The following KAZN variants were observed in gnomAD, a reference collection of about 807,000 sequenced individuals.
The protein encoded by KAZN is kazrin, periplakin interacting protein, also known as kazrin.
In KAZN, 40 loss-of-function variants were observed where a neutral mutation model predicts 87.4. The ratio of observed to expected loss-of-function variants is 0.46; its 90% CI spans 0.36 to 0.60. The LOEUF is 0.60. Among genes scored for constraint, KAZN ranks in the 20% least tolerant of loss-of-function variants. The probability of loss-of-function intolerance (pLI) is 0.00; values close to 1 mark genes in which losing one functional copy is unlikely to be tolerated. For synonymous variants in KAZN, 466 were observed against 458.3 expected (o/e 1.02, Z -0.22); for missense variants, 898 against 1,073.9 (o/e 0.84, Z 2.29).
intron 1 of KAZN, among the ~76,000 whole-genome samples, chr1:14,815,354 A>C (rs1423089142): frequency 1.3e-5 from 2 of 152,128 alleles, no homozygotes; most frequent in African/African-American, 4.8e-5. Flanking sequence ...CCCCCCTAAG[A>C]GTGCTGAGAA....
At position 14,949,510 on chromosome 1, in the gene KAZN, C is replaced by T. The variant is rs970070302; in HGVS notation, c.227-11174C>T. Among the ~76,000 whole-genome samples, 1 of 152,186 alleles carries T rather than the reference C, an allele frequency of 6.6e-6. No individual in the cohort carries two copies. The highest frequency in any genetic ancestry group is 2.4e-5 in the African/African-American group (1 of 41,430). On this transcript the variant is annotated intron_variant, in intron 1 of 14. Transcript: ENST00000376030. This position sits in a 1 kb window ranked among gnomAD's most constrained non-coding sequence, Gnocchi z 4.3. ...GTCGGGAACCCAGCCACTCTGGTGG[C>T]AGGCAGGTGCCTGCCTCTCCCACCC...
chr1:14,592,021 C>A (rs542836586), intron 2 of KAZN, among the ~76,000 whole-genome samples: 1 of 152,142 alleles, frequency 6.6e-6, no homozygotes, highest in Non-Finnish European at 1.5e-5. Context: ...CACTTCTCTA[C>A]GGCTCTGTTC....
At chr1:14,755,636 T>A (rs1387815207) in intron 1 of KAZN, among the ~76,000 whole-genome samples, 3 of 152,162 alleles carry the variant, frequency 2.0e-5, no homozygotes, top group Non-Finnish European at 4.4e-5. Flanking sequence ...CGCTGACTGT[T>A]TCCTGCTCAT....
chr1:14,325,717 G>A (rs977609648), intron 2 of KAZN, among the ~76,000 whole-genome samples: 2 of 152,172 alleles, frequency 1.3e-5, no homozygotes, highest in Non-Finnish European at 1.5e-5. Context: ...CAAACTTGAC[G>A]TGGGTCTCCC....
intron 2 of KAZN, among the ~76,000 whole-genome samples, chr1:14,234,356 A>G (rs1438393688): frequency 6.6e-6 from 1 of 151,060 alleles, no homozygotes; most frequent in East Asian, 2.0e-4. Flanking sequence ...TTGAACAATG[A>G]GAACACATGG....
chr1:13,983,664 A>T (rs1638866390), intron 1 of KAZN, among the ~76,000 whole-genome samples: 2 of 152,220 alleles, frequency 1.3e-5, no homozygotes, highest in African/African-American at 4.8e-5. Context: ...GTGGGAGCCT[A>T]CGCAGAGGAG....
rs2100999705 is a variant in KAZN, at chr1:14,856,176, C to G, written c.227-104508C>G. Among the ~76,000 whole-genome samples the G allele has an allele frequency of 6.6e-6, 1 of 152,092 alleles. No individual in the cohort carries two copies. Among genetic ancestry groups the G allele is most frequent in the East Asian group, 1.9e-4 (1 of 5,174 alleles). On this transcript the variant is annotated intron_variant, in intron 1 of 14. Coordinates refer to ENST00000376030, the MANE Select transcript of KAZN (RefSeq NM_201628.3). The surrounding 1 kb of genome is among the most constrained non-coding windows in gnomAD (Gnocchi z 5.2). ...GAGGGTGGTCAGGGAGGCTGCAGCT[C>G]TTGGGAGGATAATGGGCATAGAAAT...
At chr1:15,001,752 A>C (rs1024702370) in intron 2 of KAZN, among the ~76,000 whole-genome samples, 13 of 152,006 alleles carry the variant, frequency 8.6e-5, no homozygotes, top group African/African-American at 2.7e-4. Context: ...GTGTTCCCAA[A>C]ATGTTAATCA....
intron 1 of KAZN, among the ~76,000 whole-genome samples, chr1:14,137,176 G>T (rs2101752524): frequency 6.6e-6 from 1 of 152,268 alleles, no homozygotes; most frequent in Non-Finnish European, 1.5e-5. Context: ...ATGGAGTCCA[G>T]CCCAGTCCTT....
chr1:14,825,749 G>C (rs1646867628), intron 1 of KAZN, among the ~76,000 whole-genome samples: 1 of 152,130 alleles, frequency 6.6e-6, no homozygotes, highest in Non-Finnish European at 1.5e-5. Context: ...AGCCCCACCT[G>C]TGTGTTCTTC....
intron 1 of KAZN, among the ~76,000 whole-genome samples, chr1:14,136,206 G>A (rs1016532107): frequency 7.2e-5 from 11 of 152,132 alleles, no homozygotes; most frequent in Non-Finnish European, 8.8e-5. Context: ...TCCCATGGAG[G>A]GAGGCAGGAC....
intron 2 of KAZN, among the ~76,000 whole-genome samples, chr1:14,312,501 C>T (rs1655371720): frequency 6.6e-6 from 1 of 152,180 alleles, no homozygotes; most frequent in African/African-American, 2.4e-5. Flanking sequence ...TCAGCAATCT[C>T]TCTCACCTGG....
intron 2 of KAZN, among the ~76,000 whole-genome samples, chr1:14,206,373 T>TATTC (rs1447760217): frequency 6.6e-6 from 1 of 152,220 alleles, no homozygotes; most frequent in African/African-American, 2.4e-5. Flanking sequence ...TTAGAAAAGT[T>TATTC]ATTCTTCCTG....
intron 2 of KAZN, among the ~76,000 whole-genome samples, chr1:14,449,467 C>G (rs1172303983): frequency 6.6e-6 from 1 of 152,204 alleles, no homozygotes; most frequent in East Asian, 1.9e-4. Flanking sequence ...CTTAAAGCTT[C>G]TTAATTTGGG....
chr1:13,981,999 T>G (rs938138961), intron 1 of KAZN, among the ~76,000 whole-genome samples: 1 of 152,186 alleles, frequency 6.6e-6, no homozygotes, highest in African/African-American at 2.4e-5. Flanking sequence ...GGGGCTGTCC[T>G]CTTGGTTTGC....
At chr1:14,993,680 C>T (rs1250527293) in intron 2 of KAZN, among the ~76,000 whole-genome samples, 4 of 152,138 alleles carry the variant, frequency 2.6e-5, no homozygotes, top group Non-Finnish European at 4.4e-5. Flanking sequence ...AGGCTTCACC[C>T]TGAGAGAGAA....
In KAZN at chr1:13,912,601, C is replaced by T. The variant is rs1570257884; in HGVS notation, c.91+18845C>T. On this transcript the variant is annotated intron_variant, in intron 1 of 16. Transcript: ENST00000636203. ...CTATATCTGTAAAAATGAAATCCTA[C>T]CTAATGCAATTCTTTTTTTTGAGAC... 4.7e-5 allele frequency among the ~76,000 whole-genome samples: 7 copies of T among 148,162 alleles called. No individual in the cohort carries two copies. In the South Asian group the frequency reaches 1.5e-3, roughly 32 times the overall value.
intron 1 of KAZN, among the ~76,000 whole-genome samples, chr1:14,039,304 C>T (rs1570589183): frequency 6.6e-6 from 1 of 152,308 alleles, no homozygotes; most frequent in African/African-American, 2.4e-5. Flanking sequence ...TCTACGTCTG[C>T]CTCCACGGTC....
chr1:14,196,932 G>A (rs1377368843), intron 2 of KAZN, among the ~76,000 whole-genome samples: 1 of 152,080 alleles, frequency 6.6e-6, no homozygotes, highest in African/African-American at 2.4e-5. Flanking sequence ...GCAAGCTGAA[G>A]AAAGCATATT....
Sources: gnomAD v4.1 joint callset for allele counts (sites outside exome capture counted in the v4.1 genomes callset) on GRCh38, gnomAD v4.1.1 for gene constraint, Gnocchi (gnomAD v3.1) non-coding constraint, MANE v1.5 for transcripts, NCBI Gene and HGNC (gene_info 2026-07-23, HGNC 2026-07-21) for gene names.